IDH1: variants seen among roughly 807,000 people sequenced by gnomAD.
IDH1 encodes the protein isocitrate dehydrogenase [NADP] cytoplasmic.
A neutral mutation model predicts 46.1 loss-of-function variants in IDH1; 33 were observed. That is an observed-to-expected ratio of 0.72 (90% confidence interval 0.54 to 0.96). IDH1 has a LOEUF of 0.96. IDH1 is among the 40% of genes least tolerant of loss of function. IDH1 has a pLI of 0.00. For synonymous variants in IDH1, 144 were observed against 172.8 expected (o/e 0.83, Z 1.31); for missense variants, 421 against 515.7 (o/e 0.82, Z 1.78).
chr2:208,254,233 C>G (rs1688172820), intron 1 of IDH1: 1 of 152,480 alleles, frequency 6.6e-6, no homozygotes, highest in South Asian at 2.1e-4. Context: ...TGGCCTGCAC[C>G]CGTCCTTATG....
chr2:208,241,947 T>C, intron 7 of IDH1, 47 bp downstream of exon 7: 1 of 1,602,042 alleles, frequency 6.2e-7, no homozygotes, highest in African/African-American at 1.3e-5. Context: ...ATTAGAGAAC[T>C]ACCCTGGAAT....
Position 208,242,150 on chromosome 2 carries a change from G to C in IDH1, c.699-5C>G, listed in dbSNP as rs570863331. The C allele has an allele frequency of 1.2e-5, 19 of 1,613,012 alleles. No individual in the cohort carries two copies. In the South Asian group the frequency reaches 1.4e-4, roughly 12 times the overall value. On this transcript the variant is annotated splice_region_variant and splice_polypyrimidine_tract_variant and intron_variant, in intron 6 of 9. Transcript: ENST00000345146. ...TCAAACTGGGACTTGTACTGCCTGG[G>C]AAACAAAAGGTAAAAGAGAATAATA...
chr2:208,251,828 C>G (rs937409289), intron 2 of IDH1, among the ~76,000 whole-genome samples: 1 of 152,026 alleles, frequency 6.6e-6, no homozygotes. Context: ...AAAAAAATGG[C>G]CATCATTTCC....
chr2:208,239,960 T>C lies in IDH1; in HGVS notation c.894A>G (p.Pro298=), dbSNP rs188499120. The C allele has an allele frequency of 2.0e-5, 32 of 1,614,174 alleles. No homozygotes were observed. The East Asian group carries it at 6.9e-4, about 35-fold the overall frequency. Residue 298 remains proline (P), a synonymous_variant, in exon 8 of 10, where the codon CCA becomes CCG. Transcript: ENST00000345146. ...CCTCTGCTTCTACTGTCTTGCCATC[T>C]GGACAAACCAGCACGCTGGTCATCA... ...LGMMTSVLVC[P]DGKTVEAEAA...
intron 4 of IDH1, among the ~76,000 whole-genome samples, chr2:208,246,534 A>G (rs1229648192): frequency 2.0e-5 from 3 of 151,930 alleles, no homozygotes; most frequent in Admixed American, 1.3e-4. Context: ...AGGTTTATGT[A>G]TATTTAAACA....
intron 7 of IDH1, among the ~76,000 whole-genome samples, chr2:208,241,311 G>A (rs1174417152): frequency 6.6e-6 from 1 of 151,984 alleles, no homozygotes; most frequent in African/African-American, 2.4e-5. Context: ...TGCAACCTCC[G>A]CTTCCCAGGC....
chr2:208,253,623 T>G (rs1244535368), intron 2 of IDH1, among the ~76,000 whole-genome samples: 1 of 152,250 alleles, frequency 6.6e-6, no homozygotes, highest in Non-Finnish European at 1.5e-5. Flanking sequence ...AAGAGCCATT[T>G]AATATTATTT....
At chr2:208,248,858 A>ACTG (rs1389768448) in intron 3 of IDH1, among the ~76,000 whole-genome samples, 198 bp from the exon 4 acceptor site, 1 of 152,202 alleles carries the variant, frequency 6.6e-6, no homozygotes, top group Non-Finnish European at 1.5e-5. Flanking sequence ...GAGAGGCTAG[A>ACTG]CTGCTGGGCT....
chr2:208,247,639 T>C (rs1343287819), intron 4 of IDH1: 1 of 152,270 alleles, frequency 6.6e-6, no homozygotes, highest in Non-Finnish European at 1.5e-5. Context: ...CAAAACTGGC[T>C]CTTCCATGAA....
intron 2 of IDH1, among the ~76,000 whole-genome samples, chr2:208,253,121 C>T (rs2124870332): frequency 6.6e-6 from 1 of 152,282 alleles, no homozygotes; most frequent in South Asian, 2.1e-4. Context: ...CATGACATGG[C>T]AATTTATTCT....
intron 7 of IDH1, 166 bp from the exon 8 acceptor site, chr2:208,240,169 G>C: frequency 1.4e-6 from 1 of 722,416 alleles, no homozygotes; most frequent in Non-Finnish European, 2.4e-6. Flanking sequence ...CAGGATCCCC[G>C]CTCCAGATAT....
At chr2:208,251,795 T>C (rs1399136308) in intron 2 of IDH1, among the ~76,000 whole-genome samples, 1 of 152,176 alleles carries the variant, frequency 6.6e-6, no homozygotes, top group Non-Finnish European at 1.5e-5. Context: ...ACGCGGTTTC[T>C]GAGCTAGCCC....
chr2:208,242,087 C>T lies in IDH1; in HGVS notation c.757G>A (p.Asp253Asn), dbSNP rs201394139. 6 of 1,613,726 alleles carry T rather than the reference C, an allele frequency of 3.7e-6. No individual in the cohort carries two copies. The highest frequency in any genetic ancestry group is 3.3e-5 in the Admixed American group (2 of 60,004). The part of the protein sequence containing the change: ...KIWYEHRLID[D>N]MVAQAMKSEG... ...GATTTCATAGCTTGGGCCACCATGTCGTCGATGAGCCTATGCTCATACCAG... is the reference window on the plus strand; with the variant it reads ...GATTTCATAGCTTGGGCCACCATGTTGTCGATGAGCCTATGCTCATACCAG... The change falls in exon 7 of 10, where the codon GAC (aspartate) becomes AAC (asparagine). Residue 253 changes from aspartate (D) to asparagine (N), a missense_variant. By Grantham distance (23) the Asp-to-Asn change is conservative (BLOSUM62 1). Coordinates refer to ENST00000345146, the MANE Select transcript of IDH1 (RefSeq NM_005896.4).
chr2:208,236,884 C>T lies in IDH1; in HGVS notation c.*195G>A. On this transcript the variant is annotated 3_prime_UTR_variant, in exon 10 of 10. Transcript: ENST00000345146. ...TAAAATAAAAATTGTAAAAAAGTCC[C>T]TTGCCATGTTCACAAAGGTGGCAAT... 1.8e-6 allele frequency: 1 copy of T among 562,250 alleles called. No homozygotes were observed. The highest frequency in any genetic ancestry group is 3.1e-6 in the Non-Finnish European group (1 of 319,578). 34.8% of individuals were successfully genotyped at this position (562,250 alleles called of 1,614,324 possible). A position where few individuals can be genotyped will look rare whatever the true frequency, so the allele number is the denominator to read the frequency against.
At chr2:208,244,323 G>A (rs949211216) in intron 5 of IDH1, among the ~76,000 whole-genome samples, 4 of 152,082 alleles carry the variant, frequency 2.6e-5, no homozygotes, top group African/African-American at 4.8e-5. Context: ...TATAACTTAC[G>A]CAGCCTCAGG....
At chr2:208,254,159 T>A (rs1446269942) in intron 1 of IDH1, 200 bp from the exon 2 acceptor site, 1 of 152,408 alleles carries the variant, frequency 6.6e-6, no homozygotes, top group Admixed American at 6.5e-5. Context: ...TCTCTGCGTG[T>A]GCGAGGGCGT....
At chr2:208,248,237 C>A in intron 4 of IDH1, 132 bp downstream of exon 4, 1 of 741,068 alleles carries the variant, frequency 1.3e-6, no homozygotes. Flanking sequence ...TACATATATG[C>A]ATTTCTCAAT....
In IDH1 at chr2:208,239,241, A is replaced by AG. The variant is rs745684377; in HGVS notation, c.992-9dup. 3.7e-6 allele frequency: 6 copies of AG among 1,613,720 alleles called. No individual in the cohort carries two copies. Among genetic ancestry groups the AG allele is most frequent in the Non-Finnish European group, 5.1e-6 (6 of 1,179,828 alleles). Reference sequence around the variant, plus strand: ...TCCAGGCAAAAATGGAAGCTAAAAGAGGGGAAAAAAAACACAACACTCCAA... The same window carrying AG: ...TCCAGGCAAAAATGGAAGCTAAAAGAGGGGGAAAAAAAACACAACACTCCAA... On this transcript the variant is annotated splice_polypyrimidine_tract_variant and intron_variant, in intron 8 of 9. Coordinates refer to ENST00000345146, the MANE Select transcript of IDH1 (RefSeq NM_005896.4).
At chr2:208,252,017 A>T (rs1032079932) in intron 2 of IDH1, among the ~76,000 whole-genome samples, 3 of 152,172 alleles carry the variant, frequency 2.0e-5, no homozygotes, top group Admixed American at 6.5e-5. Flanking sequence ...AGTCCAACTC[A>T]TCATTTTACT....
Sources: gnomAD v4.1 joint callset for allele counts (sites outside exome capture counted in the v4.1 genomes callset) on GRCh38, gnomAD v4.1.1 for gene constraint, MANE v1.5 for transcripts, NCBI Gene and HGNC (gene_info 2026-07-23, HGNC 2026-07-21) for gene names.